PKHD1: variants seen among roughly 807,000 people sequenced by gnomAD.
The protein encoded by PKHD1 is PKHD1 ciliary IPT domain containing fibrocystin/polyductin, also known as fibrocystin.
Under a neutral mutation model 412.0 loss-of-function variants are expected in PKHD1, and 291 were observed. The observed-to-expected ratio is 0.71, with a 90% CI of 0.64 to 0.78. The LOEUF (loss-of-function observed/expected upper bound fraction) is 0.78. Among genes scored for constraint, PKHD1 ranks in the 30% least tolerant of loss-of-function variants. The pLI, the probability that PKHD1 is intolerant of heterozygous loss-of-function variation, is 0.00. For synonymous variants in PKHD1, 1,777 were observed against 1,821.5 expected, an observed-to-expected ratio of 0.98 and a Z score of 0.62; for missense variants, 4,825 against 4,950.7, an observed-to-expected ratio of 0.97 and a Z score of 0.76.
intron 29 of PKHD1, among the ~76,000 whole-genome samples, chr6:52,028,957 A>G (rs921480701): frequency 1.3e-5 from 2 of 152,266 alleles, no homozygotes; most frequent in African/African-American, 4.8e-5. Context: ...CTTTATAACC[A>G]GCAAAGAGCA....
At chr6:51,887,610 T>C (rs1253995221) in intron 43 of PKHD1, among the ~76,000 whole-genome samples, 2 of 152,154 alleles carry the variant, frequency 1.3e-5, no homozygotes, top group Non-Finnish European at 2.9e-5. Context: ...AGTTTAAAAG[T>C]GTACAGCACC....
Position 51,619,380 on chromosome 6 carries a change from T to C in PKHD1, c.11926A>G (p.Thr3976Ala), listed in dbSNP as rs1435565160. The C allele has an allele frequency of 1.2e-6, 2 of 1,613,950 alleles. No individual in the cohort carries two copies. Among genetic ancestry groups the C allele is most frequent in the Admixed American group, 3.3e-5 (2 of 60,032 alleles). ...AVPAPGTTGI[T>A]SHGHICAPGA... Reference sequence around the variant, plus strand: ...GGAGCACAGATGTGCCCATGGGATGTGATGCCAGTAGTACCAGGAGCAGGC... The same window carrying C: ...GGAGCACAGATGTGCCCATGGGATGCGATGCCAGTAGTACCAGGAGCAGGC... Residue 3976 changes from threonine to alanine, a missense_variant, in exon 67 of 67, where the codon ACA becomes GCA. Thr to Ala is a moderately conservative substitution (Grantham distance 58). Coordinates refer to ENST00000371117, the MANE Select transcript of PKHD1 (RefSeq NM_138694.4).
intron 52 of PKHD1, among the ~76,000 whole-genome samples, chr6:51,818,344 G>A (rs1050966452): frequency 1.3e-5 from 2 of 152,088 alleles, no homozygotes; most frequent in African/African-American, 2.4e-5. Flanking sequence ...ATTTTGCAAC[G>A]GTGTCATCTG....
intron 50 of PKHD1, among the ~76,000 whole-genome samples, chr6:51,845,981 G>A (rs1771073964): frequency 6.6e-6 from 1 of 152,114 alleles, no homozygotes; most frequent in South Asian, 2.1e-4. Context: ...TTTTGTTCCA[G>A]AATACATATC....
intron 40 of PKHD1, among the ~76,000 whole-genome samples, chr6:51,908,762 G>GA (rs1562593420): frequency 6.6e-6 from 1 of 152,016 alleles, no homozygotes; most frequent in Non-Finnish European, 1.5e-5. Flanking sequence ...CTCATTTCCA[G>GA]AAAAAGCACC....
chr6:51,770,947 GC>G (rs1443009361), intron 55 of PKHD1, among the ~76,000 whole-genome samples: 1 of 151,960 alleles, frequency 6.6e-6, no homozygotes, highest in East Asian at 1.9e-4. Flanking sequence ...ATGTGGGTGG[GC>G]CTCATCAATC....
intron 59 of PKHD1, among the ~76,000 whole-genome samples, chr6:51,745,046 T>C (rs755015746): frequency 6.6e-6 from 1 of 152,116 alleles, no homozygotes; most frequent in Admixed American, 6.6e-5. Context: ...TAGAGTCAAG[T>C]GGGCTATATA....
chr6:51,719,885 G>T (rs529568957), intron 60 of PKHD1, among the ~76,000 whole-genome samples: 1 of 152,030 alleles, frequency 6.6e-6, no homozygotes, highest in Non-Finnish European at 1.5e-5. Flanking sequence ...TGACATATAT[G>T]CCATGTCTCC....
chr6:52,066,542 G>A (rs997529626), intron 11 of PKHD1, among the ~76,000 whole-genome samples: 27 of 152,184 alleles, frequency 1.8e-4, no homozygotes, highest in African/African-American at 5.3e-4. Context: ...TTCCCACACT[G>A]AATGCTCCTT....
At position 52,083,120 on chromosome 6, in the gene PKHD1, T is replaced by C; in HGVS notation, c.130+58A>G. Reference sequence around the variant, plus strand: ...AAGGAAGAAAACCAAAGACTCATAGTCTTTAGGATTGTGGGTCAATACATA... The same window carrying C: ...AAGGAAGAAAACCAAAGACTCATAGCCTTTAGGATTGTGGGTCAATACATA... On this transcript the variant is annotated intron_variant, in intron 3 of 66. Coordinates refer to ENST00000371117, the MANE Select transcript of PKHD1 (RefSeq NM_138694.4). 3.5e-6 allele frequency: 4 copies of C among 1,132,652 alleles called. No individual in the cohort carries two copies. In the Admixed American group the frequency reaches 5.0e-5, roughly 14 times the overall value. The allele number at this position is 1,132,652 out of a possible 1,614,324, so 70.2% of individuals were successfully genotyped here. A position where few individuals can be genotyped will look rare whatever the true frequency, so the allele number is the denominator to read the frequency against.
At chr6:52,061,157 C>A (rs950079035) in intron 14 of PKHD1, among the ~76,000 whole-genome samples, 7 of 152,100 alleles carry the variant, frequency 4.6e-5, no homozygotes, top group Non-Finnish European at 1.0e-4. Context: ...TTAGGTGCTA[C>A]AATGGACCAC....
intron 52 of PKHD1, among the ~76,000 whole-genome samples, chr6:51,829,648 C>T (rs983680861): frequency 1.2e-4 from 19 of 152,078 alleles, no homozygotes; most frequent in Non-Finnish European, 2.5e-4. Context: ...ACTGGTCAGC[C>T]CACTCACACC....
At chr6:51,864,227 G>T (rs988729162) in intron 48 of PKHD1, among the ~76,000 whole-genome samples, 1 of 152,190 alleles carries the variant, frequency 6.6e-6, no homozygotes, top group Non-Finnish European at 1.5e-5. Context: ...ACCCAAAGCA[G>T]ACAGCAGGAC....
intron 27 of PKHD1, among the ~76,000 whole-genome samples, chr6:52,038,273 C>T (rs576871229): frequency 6.6e-6 from 1 of 151,678 alleles, no homozygotes; most frequent in South Asian, 2.1e-4. Context: ...CCCAGCTACT[C>T]AGGAGGCAGG....
chr6:51,658,928 G>T, intron 61 of PKHD1, 24 bp downstream of exon 61: 2 of 1,526,006 alleles, frequency 1.3e-6, no homozygotes, highest in Non-Finnish European at 1.8e-6. Context: ...CCCTCATTTG[G>T]ATGTGAATAT....
At position 51,815,276 on chromosome 6, in the gene PKHD1, C is replaced by T. The variant is rs150748581; in HGVS notation, c.8302+15585G>A. On this transcript the variant is annotated intron_variant, in intron 52 of 66. Coordinates refer to ENST00000371117, the MANE Select transcript of PKHD1 (RefSeq NM_138694.4). ...TCAAATAAGACATAACCTCTGTTCT[C>T]GAGGTGACATAAAAGTAAGTAATAT... Among the ~76,000 whole-genome samples the T allele has an allele frequency of 2.4e-3, 358 of 152,192 alleles. 4 individuals are homozygous for T. Among genetic ancestry groups the T allele is most frequent in the African/African-American group, 8.0e-3 (334 of 41,528 alleles).
At chr6:51,824,856 T>C (rs1184485187) in intron 52 of PKHD1, among the ~76,000 whole-genome samples, 1 of 152,192 alleles carries the variant, frequency 6.6e-6, no homozygotes, top group Non-Finnish European at 1.5e-5. Context: ...CTACCGTCCA[T>C]TCCCACTGCA....
At chr6:51,903,438 G>C (rs1781574831) in intron 43 of PKHD1, among the ~76,000 whole-genome samples, 159 bp downstream of exon 43, 1 of 152,098 alleles carries the variant, frequency 6.6e-6, no homozygotes, top group African/African-American at 2.4e-5. Context: ...CTCATCAGCT[G>C]TCATTAGCGT....
intron 35 of PKHD1, among the ~76,000 whole-genome samples, chr6:51,964,057 A>C (rs1583593648): frequency 6.6e-6 from 1 of 151,928 alleles, no homozygotes; most frequent in African/African-American, 2.4e-5. Flanking sequence ...AATAAACCCC[A>C]AAAAAAGCAG....
Sources: gnomAD v4.1 joint callset for allele counts (sites outside exome capture counted in the v4.1 genomes callset) on GRCh38, gnomAD v4.1.1 for gene constraint, MANE v1.5 for transcripts, NCBI Gene and HGNC (gene_info 2026-07-23, HGNC 2026-07-21) for gene names.